SV2C: variants seen among roughly 807,000 people sequenced by gnomAD.
SV2C encodes solute carrier family 22 member B3.
In SV2C, 49 loss-of-function variants were observed where a neutral mutation model predicts 79.7. The ratio of observed to expected loss-of-function variants is 0.61; its 90% confidence interval spans 0.49 to 0.78. The LOEUF (loss-of-function observed/expected upper bound fraction) is 0.78, where lower values mean the gene tolerates loss of function less well. SV2C is among the 30% of genes least tolerant of loss of function. The pLI, the probability that SV2C is intolerant of heterozygous loss-of-function variation, is 0.00. For missense variants in SV2C, 833 were observed against 912.9 expected (o/e 0.91, Z 1.13); for synonymous variants, 334 against 333.2 (o/e 1.00, Z -0.03).
the SV2C span, among the ~76,000 whole-genome samples, chr5:75,851,644 C>CT: frequency 0.013 from 1,925 of 146,464 alleles, 34 homozygotes; most frequent in African/African-American, 0.041. Context: ...AACATTGGAT[C>CT]TTTTTTTTTT....
chr5:76,252,186 C>A (rs1259936723), intron 4 of SV2C, among the ~76,000 whole-genome samples: 1 of 152,194 alleles, frequency 6.6e-6, no homozygotes, highest in Admixed American at 6.5e-5. Context: ...ATGGTGCGAT[C>A]TTGGCTCACT....
At chr5:76,007,469 T>C in the SV2C span, among the ~76,000 whole-genome samples, 1 of 152,060 alleles carries the variant, frequency 6.6e-6, no homozygotes, top group Non-Finnish European at 1.5e-5. Context: ...GGTAAAAGTT[T>C]CTTAGTTGGG....
the SV2C span, among the ~76,000 whole-genome samples, chr5:75,848,397 AG>A: frequency 6.6e-6 from 1 of 152,212 alleles, no homozygotes; most frequent in African/African-American, 2.4e-5. Flanking sequence ...CCAAGGCCAC[AG>A]TGCTCCCAAA....
chr5:76,142,233 G>A (rs2112210543), intron 2 of SV2C, among the ~76,000 whole-genome samples: 1 of 152,330 alleles, frequency 6.6e-6, no homozygotes, highest in East Asian at 1.9e-4. Flanking sequence ...AAGTAAATGA[G>A]TGTAGTTCTT....
the SV2C span, among the ~76,000 whole-genome samples, chr5:76,007,258 C>T: frequency 6.6e-6 from 1 of 151,374 alleles, no homozygotes. Context: ...CTGCAAGCTC[C>T]CTGTAGACTA....
chr5:76,212,137 C>G lies in SV2C; in HGVS notation c.913+2250C>G, dbSNP rs192763456. Among the ~76,000 whole-genome samples the G allele has an allele frequency of 2.0e-5, 3 of 152,152 alleles. No homozygotes were observed. The East Asian group carries it at 5.8e-4, about 29-fold the overall frequency. On this transcript the variant is annotated intron_variant, in intron 4 of 12. Coordinates refer to ENST00000502798, the MANE Select transcript of SV2C (RefSeq NM_014979.4). ...TTTGAGATCTCAGGACCTCAGCCAC[C>G]CTCAGAACCTTCCTCGGTAGAGCAG... is the stretch of plus-strand genomic sequence containing the variant.
chr5:76,266,537 T>C (rs1341910257), intron 4 of SV2C, among the ~76,000 whole-genome samples: 1 of 152,202 alleles, frequency 6.6e-6, no homozygotes, highest in Non-Finnish European at 1.5e-5. Flanking sequence ...GACATTATGG[T>C]AAGTGAAATA....
the SV2C span, among the ~76,000 whole-genome samples, chr5:75,986,382 G>A: frequency 1.2e-4 from 18 of 151,882 alleles, no homozygotes; most frequent in Non-Finnish European, 1.9e-4. Flanking sequence ...GCTCTGAGAA[G>A]AGAAAGGGTC....
the SV2C span, among the ~76,000 whole-genome samples, chr5:75,851,683 C>A: frequency 2.6e-5 from 4 of 152,040 alleles, no homozygotes; most frequent in Non-Finnish European, 5.9e-5. Context: ...CTCTGTCACC[C>A]AGGCTGGAGT....
the SV2C span, among the ~76,000 whole-genome samples, chr5:76,024,353 TA>T: frequency 6.6e-6 from 1 of 152,202 alleles, no homozygotes; most frequent in Non-Finnish European, 1.5e-5. Context: ...GTTATATGCA[TA>T]AAAATGGTGT....
At chr5:75,876,366 G>T in the SV2C span, among the ~76,000 whole-genome samples, 5 of 152,020 alleles carry the variant, frequency 3.3e-5, no homozygotes, top group Non-Finnish European at 2.9e-5. Flanking sequence ...GGAGCTAAAT[G>T]ATAAGAACTT....
the SV2C span, among the ~76,000 whole-genome samples, chr5:75,874,117 G>T: frequency 1.3e-5 from 2 of 151,978 alleles, no homozygotes; most frequent in East Asian, 1.9e-4. Flanking sequence ...GAAAACTTCA[G>T]GTCAATATCC....
chr5:76,037,828 C>A, the SV2C span, among the ~76,000 whole-genome samples: 6 of 152,346 alleles, frequency 3.9e-5, no homozygotes, highest in East Asian at 1.2e-3. Flanking sequence ...CAATGTCGGG[C>A]GCCCCTCCCC....
intron 2 of SV2C, among the ~76,000 whole-genome samples, chr5:76,132,602 AAGTT>A (rs989155358): frequency 1.3e-5 from 2 of 152,178 alleles, no homozygotes; most frequent in African/African-American, 4.8e-5. Flanking sequence ...ATTTCAAAGT[AAGTT>A]AGAGTATGTT....
chr5:76,179,408 A>G (rs1743648771), intron 2 of SV2C, among the ~76,000 whole-genome samples: 1 of 152,180 alleles, frequency 6.6e-6, no homozygotes, highest in Non-Finnish European at 1.5e-5. Flanking sequence ...GTCACAATAT[A>G]ATAATTGATT....
chr5:76,207,198 A>G (rs949136342), intron 3 of SV2C, among the ~76,000 whole-genome samples: 1 of 152,036 alleles, frequency 6.6e-6, no homozygotes, highest in African/African-American at 2.4e-5. Flanking sequence ...AATTATAGCC[A>G]CACCGAAGTA....
intron 1 of SV2C, among the ~76,000 whole-genome samples, chr5:76,106,615 C>G (rs56238181): frequency 5.9e-5 from 9 of 152,162 alleles, no homozygotes; most frequent in African/African-American, 1.9e-4. Flanking sequence ...TTCTTTAATA[C>G]ATCAAGCATG....
chr5:76,150,574 C>T (rs1749571103), intron 2 of SV2C, among the ~76,000 whole-genome samples: 1 of 147,890 alleles, frequency 6.8e-6, no homozygotes, highest in South Asian at 2.2e-4. Context: ...AGTTCTCACA[C>T]AGAAAGCACA....
At position 76,144,093 on chromosome 5, in the gene SV2C, A is replaced by T. The variant is rs1580303049; in HGVS notation, c.580+11763A>T. Among the ~76,000 whole-genome samples, 5 of 152,342 alleles carry T rather than the reference A, an allele frequency of 3.3e-5. No individual in the cohort carries two copies. In the South Asian group the frequency reaches 1.0e-3, roughly 32 times the overall value. On this transcript the variant is annotated intron_variant, in intron 2 of 12. Transcript: ENST00000502798. ...GTCGTGGTGGTTACGCAACAATGTGAATGTACTCAACATCACATCATAGTA... is the reference window on the plus strand; with the variant it reads ...GTCGTGGTGGTTACGCAACAATGTGTATGTACTCAACATCACATCATAGTA...
Sources: gnomAD v4.1 joint callset for allele counts (sites outside exome capture counted in the v4.1 genomes callset) on GRCh38, gnomAD v4.1.1 for gene constraint, MANE v1.5 for transcripts, NCBI Gene and HGNC (gene_info 2026-07-23, HGNC 2026-07-21) for gene names.